The following MTHFD1L variants were observed in gnomAD, a reference collection of about 807,000 sequenced individuals.
MTHFD1L encodes the protein methylenetetrahydrofolate dehydrogenase (NADP+ dependent) 1 like.
A neutral mutation model predicts 119.5 loss-of-function variants in MTHFD1L; 81 were observed. The observed-to-expected ratio is 0.68, with a 90% CI of 0.57 to 0.82. The LOEUF is 0.82. Among genes scored for constraint, MTHFD1L ranks in the 40% least tolerant of loss-of-function variants. MTHFD1L has a pLI of 0.00. For missense variants in MTHFD1L, 1,125 were observed against 1,253.4 expected (o/e 0.90, Z 1.55); for synonymous variants, 430 against 475.2 (o/e 0.90, Z 1.24).
chr6:150,923,509 CTTTA>C (rs368593673), intron 10 of MTHFD1L, among the ~76,000 whole-genome samples: 11 of 118,054 alleles, frequency 9.3e-5, no homozygotes, highest in South Asian at 8.4e-4. Flanking sequence ...GTAACTGACA[CTTTA>C]TTTATTTATT....
chr6:150,914,649 C>T (rs936160306), intron 8 of MTHFD1L, among the ~76,000 whole-genome samples: 4 of 152,194 alleles, frequency 2.6e-5, no homozygotes, highest in Admixed American at 6.5e-5. Context: ...CAGAGCAAGA[C>T]CCTCTGTAAA....
chr6:150,954,300 G>T lies in MTHFD1L; in HGVS notation c.1727-1695G>T, dbSNP rs944867414. 4.6e-5 allele frequency among the ~76,000 whole-genome samples: 7 copies of T among 152,210 alleles called. 1 individual carries two copies. In the South Asian group the frequency reaches 1.2e-3, roughly 27 times the overall value. On this transcript the variant is annotated intron_variant, in intron 16 of 27. Transcript: ENST00000367321. The stretch of plus-strand genomic sequence containing the variant: ...AGCTGCATAAATTAACAAAGTCAGT[G>T]TACTGGCTTTGTTTTGTTGCATTGG...
intron 9 of MTHFD1L, among the ~76,000 whole-genome samples, chr6:150,919,894 T>A (rs975618020): frequency 2.6e-5 from 4 of 152,162 alleles, no homozygotes; most frequent in Admixed American, 6.5e-5. Context: ...GGATCTCTCA[T>A]GCATTTGAAG....
At chr6:151,017,830 C>CTTTTTTT (rs895364993) in intron 24 of MTHFD1L, among the ~76,000 whole-genome samples, 1,956 of 98,948 alleles carry the variant, frequency 0.02, 190 homozygotes, top group African/African-American at 0.076. Flanking sequence ...ACCGTGTTTT[C>CTTTTTTT]TTTTTTTTTT....
intron 1 of MTHFD1L, among the ~76,000 whole-genome samples, chr6:150,867,890 C>G (rs1778697510): frequency 1.3e-5 from 2 of 151,326 alleles, no homozygotes; most frequent in Non-Finnish European, 1.5e-5. Flanking sequence ...CTCTGCCTCC[C>G]AGGTTCAGGC....
At chr6:150,996,261 C>T (rs983822963) in intron 20 of MTHFD1L, among the ~76,000 whole-genome samples, 2 of 152,094 alleles carry the variant, frequency 1.3e-5, no homozygotes, top group Non-Finnish European at 2.9e-5. Context: ...ACCACTACAC[C>T]AGTGGGGTAG....
At chr6:151,012,140 C>T (rs1489362576) in intron 21 of MTHFD1L, among the ~76,000 whole-genome samples, 1 of 150,740 alleles carries the variant, frequency 6.6e-6, no homozygotes, top group Non-Finnish European at 1.5e-5. Context: ...TCATGAATGC[C>T]TTGTTCTGTG....
intron 4 of MTHFD1L, among the ~76,000 whole-genome samples, chr6:150,881,941 A>T (rs189114565): frequency 9.2e-5 from 14 of 152,362 alleles, no homozygotes; most frequent in Admixed American, 3.9e-4. Flanking sequence ...AAAATGGTAA[A>T]CCAACCCTTC....
At chr6:150,967,055 G>A (rs569514511) in intron 19 of MTHFD1L, among the ~76,000 whole-genome samples, 7 of 152,234 alleles carry the variant, frequency 4.6e-5, no homozygotes, top group Admixed American at 1.3e-4. Flanking sequence ...CAGCATGCAC[G>A]TATCCTCAGA....
At chr6:150,899,132 C>A in intron 7 of MTHFD1L, 1 of 314,962 alleles carries the variant, frequency 3.2e-6, no homozygotes, top group South Asian at 1.3e-4. Context: ...ATATGTTGAG[C>A]AGTAAATTAA....
intron 11 of MTHFD1L, among the ~76,000 whole-genome samples, chr6:150,928,605 G>A (rs1353482141): frequency 1.3e-5 from 2 of 149,408 alleles, no homozygotes; most frequent in South Asian, 2.1e-4. Flanking sequence ...GCACTGGTGC[G>A]ATTTTGGCTC....
At chr6:151,028,198 C>T (rs962918593) in intron 24 of MTHFD1L, among the ~76,000 whole-genome samples, 3 of 152,218 alleles carry the variant, frequency 2.0e-5, no homozygotes, top group African/African-American at 4.8e-5. Flanking sequence ...GCTTGTCCTA[C>T]AGGAAGTAAA....
At chr6:151,096,612 A>G (rs190548669) in intron 27 of MTHFD1L, among the ~76,000 whole-genome samples, 17 of 152,342 alleles carry the variant, frequency 1.1e-4, no homozygotes, top group Non-Finnish European at 2.1e-4. Flanking sequence ...GACAGCTTGG[A>G]CAAACGTGGG....
chr6:151,005,277 T>C (rs930524045), intron 20 of MTHFD1L, among the ~76,000 whole-genome samples: 7 of 152,108 alleles, frequency 4.6e-5, no homozygotes, highest in African/African-American at 1.7e-4. Context: ...TAGTAATTGG[T>C]GGCACCTTAT....
At chr6:150,956,295 TC>T (rs1795635042) in intron 17 of MTHFD1L, among the ~76,000 whole-genome samples, 1 of 152,212 alleles carries the variant, frequency 6.6e-6, no homozygotes, top group African/African-American at 2.4e-5. Context: ...TTTCTTTTTT[TC>T]ATGTATGTTT....
intron 7 of MTHFD1L, among the ~76,000 whole-genome samples, chr6:150,894,197 C>T (rs564934610): frequency 1.6e-4 from 25 of 152,226 alleles, no homozygotes; most frequent in Admixed American, 1.0e-3. Flanking sequence ...GATTGCACCA[C>T]CGCACTGCAA....
At chr6:150,866,467 G>A in intron 1 of MTHFD1L, 1 of 1,320,060 alleles carries the variant, frequency 7.6e-7, no homozygotes, top group Non-Finnish European at 9.6e-7. Context: ...GGCTCGGCGC[G>A]CCGGCTGGCC....
At chr6:151,029,010 G>T (rs1021736482) in intron 24 of MTHFD1L, among the ~76,000 whole-genome samples, 9 of 152,150 alleles carry the variant, frequency 5.9e-5, no homozygotes, top group Admixed American at 5.9e-4. Context: ...AGTTGAGGCT[G>T]CAGTGAGCCG....
At chr6:150,947,023 C>T (rs1179548524) in intron 15 of MTHFD1L, among the ~76,000 whole-genome samples, 3 of 148,516 alleles carry the variant, frequency 2.0e-5, no homozygotes, top group East Asian at 4.1e-4. Context: ...TGCAGTGAGC[C>T]GAGATCGTGC....
Sources: allele counts gnomAD v4.1 joint callset (sites outside exome capture counted in the v4.1 genomes callset), GRCh38; gene constraint gnomAD v4.1.1; transcripts MANE v1.5; gene names NCBI Gene and HGNC (gene_info 2026-07-23, HGNC 2026-07-21).